Variants in LRMDA observed in about 807,000 individuals in gnomAD.
LRMDA encodes leucine rich melanocyte differentiation associated.
A neutral mutation model predicts 29.8 loss-of-function variants in LRMDA; 18 were observed. The observed-to-expected ratio is 0.60, with a 90% CI of 0.42 to 0.90. The LOEUF (loss-of-function observed/expected upper bound fraction) is 0.90. LRMDA is among the 40% of genes least tolerant of loss of function. The probability of loss-of-function intolerance (pLI) is 0.00; values close to 1 mark genes in which losing one functional copy is unlikely to be tolerated. For synonymous variants in LRMDA, 125 were observed against 109.4 expected (o/e 1.14, Z -0.89); for missense variants, 273 against 273.9 (o/e 1.00, Z 0.02).
At position 75,739,079 on chromosome 10, in the gene LRMDA, G is replaced by A. The variant is rs143408596; in HGVS notation, c.132-296929G>A. On this transcript the variant is annotated intron_variant, in intron 2 of 6. Coordinates refer to ENST00000611255, the MANE Select transcript of LRMDA (RefSeq NM_001305581.2). ...GCTGTGTGGCCGCTGCGAGAGGCAG[G>A]CGGAGGTCACCTCAATATGGCTGAC... 6.1e-3 allele frequency among the ~76,000 whole-genome samples: 929 copies of A among 152,296 alleles called. 11 individuals carry two copies. Among genetic ancestry groups the A allele is most frequent in the African/African-American group, 0.021 (873 of 41,548 alleles).
At chr10:76,333,956 C>G (rs1840936164) in intron 6 of LRMDA, among the ~76,000 whole-genome samples, 2 of 152,146 alleles carry the variant, frequency 1.3e-5, no homozygotes, top group Non-Finnish European at 2.9e-5. Flanking sequence ...GTCGGTTCAT[C>G]CTCATCACAG....
chr10:75,509,306 C>T (rs1220918498), intron 2 of LRMDA, among the ~76,000 whole-genome samples: 1 of 152,060 alleles, frequency 6.6e-6, no homozygotes, highest in African/African-American at 2.4e-5. Flanking sequence ...CACTCTTAAG[C>T]AATTTTACCA....
chr10:75,478,449 G>A (rs974847246), intron 2 of LRMDA, among the ~76,000 whole-genome samples: 10 of 152,074 alleles, frequency 6.6e-5, no homozygotes, highest in Admixed American at 4.6e-4. Context: ...TTTTGCTTGG[G>A]TTCACCTCTA....
intron 2 of LRMDA, among the ~76,000 whole-genome samples, chr10:75,673,709 A>C (rs994762230): frequency 7.9e-5 from 12 of 152,118 alleles, no homozygotes; most frequent in African/African-American, 2.9e-4. Flanking sequence ...TTTTCTCTGC[A>C]CTCTGACCTT....
intron 6 of LRMDA, among the ~76,000 whole-genome samples, chr10:76,475,423 G>A (rs948373080): frequency 6.6e-6 from 1 of 151,998 alleles, no homozygotes; most frequent in Non-Finnish European, 1.5e-5. Flanking sequence ...CCTACAAAGA[G>A]ACTTAGACTC....
At chr10:75,914,878 C>T (rs1845903800) in intron 2 of LRMDA, among the ~76,000 whole-genome samples, 1 of 152,074 alleles carries the variant, frequency 6.6e-6, no homozygotes, top group Non-Finnish European at 1.5e-5. Context: ...TGTGTTGTAA[C>T]CTATACAAAG....
chr10:75,824,169 C>T (rs1844211620), intron 2 of LRMDA, among the ~76,000 whole-genome samples: 1 of 152,116 alleles, frequency 6.6e-6, no homozygotes, highest in African/African-American at 2.4e-5. Context: ...ATTTTGATTA[C>T]ATGTTGATTG....
chr10:75,601,895 A>C (rs1840891352), intron 2 of LRMDA, among the ~76,000 whole-genome samples: 1 of 152,160 alleles, frequency 6.6e-6, no homozygotes. Flanking sequence ...TTCTCTGTAC[A>C]TGTATGAATT....
At chr10:76,341,301 G>T (rs2132420099) in intron 6 of LRMDA, among the ~76,000 whole-genome samples, 1 of 152,168 alleles carries the variant, frequency 6.6e-6, no homozygotes, top group Non-Finnish European at 1.5e-5. Flanking sequence ...AAAATCATAG[G>T]CTATGAAAGG....
intron 5 of LRMDA, among the ~76,000 whole-genome samples, chr10:76,073,315 C>T (rs372292130): frequency 2.6e-5 from 4 of 152,062 alleles, no homozygotes; most frequent in Admixed American, 6.5e-5. Context: ...CCTTCCAAAC[C>T]GTATCCTTTT....
chr10:75,982,680 A>G (rs185988531), intron 2 of LRMDA, among the ~76,000 whole-genome samples: 412 of 152,320 alleles, frequency 2.7e-3, no homozygotes, highest in Middle Eastern at 0.014. Flanking sequence ...GTGGCTTTGA[A>G]CTGGAGTTTG....
chr10:75,754,777 T>C (rs894562685), intron 2 of LRMDA, among the ~76,000 whole-genome samples: 6 of 152,064 alleles, frequency 3.9e-5, no homozygotes, highest in African/African-American at 1.4e-4. Flanking sequence ...AGGAATTTTT[T>C]CTCTCTCTCT....
At chr10:75,760,562 G>A (rs1165231630) in intron 2 of LRMDA, among the ~76,000 whole-genome samples, 1 of 152,196 alleles carries the variant, frequency 6.6e-6, no homozygotes, top group East Asian at 1.9e-4. Context: ...AATAGTGGCA[G>A]AAGCAGGGCC....
intron 2 of LRMDA, among the ~76,000 whole-genome samples, chr10:75,739,800 T>C (rs1842807876): frequency 6.6e-6 from 1 of 152,256 alleles, no homozygotes; most frequent in South Asian, 2.1e-4. Context: ...TTAGTGTCTG[T>C]CGGTAATTTA....
At chr10:76,054,618 C>A (rs940008941) in intron 4 of LRMDA, among the ~76,000 whole-genome samples, 1 of 151,682 alleles carries the variant, frequency 6.6e-6, no homozygotes, top group Non-Finnish European at 1.5e-5. Context: ...CATCTTTTCC[C>A]ACCCTACACT....
At chr10:76,040,877 A>G (rs1848329337) in intron 3 of LRMDA, among the ~76,000 whole-genome samples, 1 of 152,164 alleles carries the variant, frequency 6.6e-6, no homozygotes, top group Admixed American at 6.5e-5. Context: ...ATGAGTTTGG[A>G]TTATAGTGCC....
At chr10:75,529,803 C>T (rs1428209763) in intron 2 of LRMDA, among the ~76,000 whole-genome samples, 3 of 152,060 alleles carry the variant, frequency 2.0e-5, no homozygotes, top group Non-Finnish European at 4.4e-5. Context: ...TAATTATGAA[C>T]ACAAAATATG....
intron 2 of LRMDA, among the ~76,000 whole-genome samples, chr10:75,860,609 A>T (rs1363081981): frequency 6.6e-6 from 1 of 152,146 alleles, no homozygotes; most frequent in Non-Finnish European, 1.5e-5. Context: ...AGCATGAGCC[A>T]CCACACCTGG....
intron 6 of LRMDA, among the ~76,000 whole-genome samples, chr10:76,490,460 C>G (rs1217811698): frequency 1.3e-5 from 2 of 151,776 alleles, no homozygotes; most frequent in Admixed American, 6.6e-5. Flanking sequence ...TCTGGGTACT[C>G]CAGTGTTCAG....
Sources: gnomAD v4.1 joint callset for allele counts (sites outside exome capture counted in the v4.1 genomes callset) on GRCh38, gnomAD v4.1.1 for gene constraint, MANE v1.5 for transcripts, NCBI Gene and HGNC (gene_info 2026-07-23, HGNC 2026-07-21) for gene names.